Variants in AFG1L observed in about 807,000 individuals in gnomAD.
AFG1L encodes AFG1-like ATPase.
A neutral mutation model predicts 62.2 loss-of-function variants in AFG1L; 53 were observed. That is an observed-to-expected ratio of 0.85 (90% CI 0.68 to 1.07). The LOEUF is 1.07. AFG1L is among the 50% of genes least tolerant of loss of function. AFG1L has a pLI of 0.00. For synonymous variants in AFG1L, 228 were observed against 210.3 expected (o/e 1.08, Z -0.73); for missense variants, 555 against 590.5 (o/e 0.94, Z 0.62).
At chr6:108,339,533 C>G (rs1270045083) in intron 2 of AFG1L, among the ~76,000 whole-genome samples, 1 of 148,908 alleles carries the variant, frequency 6.7e-6, no homozygotes, top group Non-Finnish European at 1.5e-5. Context: ...GATCTCTGCT[C>G]ACTGCAACCT....
chr6:108,348,987 G>T (rs1778974183), intron 3 of AFG1L, among the ~76,000 whole-genome samples: 1 of 152,126 alleles, frequency 6.6e-6, no homozygotes, highest in Non-Finnish European at 1.5e-5. Context: ...TTGAAGGGAA[G>T]CATATTACAA....
chr6:108,466,152 C>G (rs1772656859), intron 8 of AFG1L, among the ~76,000 whole-genome samples: 1 of 152,094 alleles, frequency 6.6e-6, no homozygotes, highest in South Asian at 2.1e-4. Flanking sequence ...ATGGAAAATG[C>G]CAAGTATTGG....
At chr6:108,383,923 A>C (rs906322294) in intron 6 of AFG1L, among the ~76,000 whole-genome samples, 7 of 152,334 alleles carry the variant, frequency 4.6e-5, no homozygotes, top group African/African-American at 1.7e-4. Context: ...GACAGGGAAT[A>C]TAAATGGGTT....
chr6:108,325,136 G>C (rs1406033956), intron 2 of AFG1L, among the ~76,000 whole-genome samples: 1 of 152,166 alleles, frequency 6.6e-6, no homozygotes, highest in African/African-American at 2.4e-5. Flanking sequence ...AGCAGGCACT[G>C]GTTTCTGTCT....
chr6:108,466,778 A>AT (rs1554200902), intron 8 of AFG1L, among the ~76,000 whole-genome samples: 4 of 148,022 alleles, frequency 2.7e-5, no homozygotes, highest in Non-Finnish European at 4.5e-5. Context: ...TATTTTAAAA[A>AT]ATATATATAT....
At chr6:108,354,606 A>G (rs367687128) in intron 3 of AFG1L, among the ~76,000 whole-genome samples, 15 of 151,706 alleles carry the variant, frequency 9.9e-5, no homozygotes, top group African/African-American at 3.4e-4. Context: ...CGTCTGGCCT[A>G]TATACTATGT....
intron 10 of AFG1L, among the ~76,000 whole-genome samples, chr6:108,502,479 A>G (rs1337753711): frequency 2.0e-5 from 3 of 152,114 alleles, no homozygotes; most frequent in Admixed American, 6.6e-5. Flanking sequence ...TGCTGAGATT[A>G]CAGGCATGAG....
At chr6:108,463,841 A>G (rs1239895143) in intron 8 of AFG1L, among the ~76,000 whole-genome samples, 1 of 152,224 alleles carries the variant, frequency 6.6e-6, no homozygotes, top group Non-Finnish European at 1.5e-5. Flanking sequence ...TTGAAATGCA[A>G]CCAAGTCTGT....
At position 108,523,787 on chromosome 6, in the gene AFG1L, A is replaced by C. The variant is rs1463090747; in HGVS notation, c.*1362A>C. On this transcript the variant is annotated 3_prime_UTR_variant, in exon 13 of 13. Transcript: ENST00000368977. ...ATTAAGGCAAGCAGGTAGATGGATG[A>C]GTACCCAAGCCGAGAGAAGAGTTTA... 6.6e-6 allele frequency: 1 copy of C among 152,168 alleles called. No homozygotes were observed. Among genetic ancestry groups the C allele is most frequent in the Non-Finnish European group, 1.5e-5 (1 of 68,040 alleles). The allele number at this position is 152,168 out of a possible 1,614,324, so 9.4% of individuals were successfully genotyped here. A position where few individuals can be genotyped will look rare whatever the true frequency, so the allele number is the denominator to read the frequency against.
intron 7 of AFG1L, among the ~76,000 whole-genome samples, chr6:108,442,328 C>A (rs1478251153): frequency 6.6e-6 from 1 of 151,992 alleles, no homozygotes; most frequent in Non-Finnish European, 1.5e-5. Flanking sequence ...TCATATATCT[C>A]TTTTCTTCTC....
chr6:108,395,403 CTTTTTTTTT>C (rs71551344), intron 6 of AFG1L, among the ~76,000 whole-genome samples: 1 of 122,940 alleles, frequency 8.1e-6, no homozygotes, highest in African/African-American at 3.1e-5. Context: ...CTTTTCTTTT[CTTTTTTTTT>C]TTTTTTTTGA....
chr6:108,414,735 A>G (rs1480358929), intron 7 of AFG1L, among the ~76,000 whole-genome samples: 3 of 152,216 alleles, frequency 2.0e-5, no homozygotes, highest in Admixed American at 6.5e-5. Context: ...TTCTTGCTAA[A>G]AACTCTCAAT....
chr6:108,348,172 G>A (rs771760010), intron 3 of AFG1L, among the ~76,000 whole-genome samples: 3 of 152,024 alleles, frequency 2.0e-5, no homozygotes, highest in Non-Finnish European at 2.9e-5. Context: ...TCCGCCTCCC[G>A]GGTTCACGCC....
intron 6 of AFG1L, among the ~76,000 whole-genome samples, chr6:108,382,988 CATCACTTTGGAAGGCCAGGTGGGTGG>C (rs1780613635): frequency 6.6e-6 from 1 of 152,194 alleles, no homozygotes; most frequent in Admixed American, 6.5e-5. Flanking sequence ...CTTATAATCC[CATCACTTTGGAAGGCCAGGTGGGTGG>C]ATCACTTGAG....
At chr6:108,416,309 C>T (rs1276514563) in intron 7 of AFG1L, among the ~76,000 whole-genome samples, 3 of 152,186 alleles carry the variant, frequency 2.0e-5, no homozygotes, top group African/African-American at 7.2e-5. Context: ...AATAGGAATG[C>T]TTTTACACTG....
chr6:108,380,918 T>A (rs1403656305), intron 6 of AFG1L, among the ~76,000 whole-genome samples: 3 of 152,204 alleles, frequency 2.0e-5, no homozygotes, highest in Non-Finnish European at 4.4e-5. Context: ...CTGGATGCTA[T>A]CATGGGGGCT....
intron 2 of AFG1L, among the ~76,000 whole-genome samples, chr6:108,344,209 T>C (rs1778783315): frequency 6.6e-6 from 1 of 152,056 alleles, no homozygotes; most frequent in African/African-American, 2.4e-5. Flanking sequence ...GCCTCCTGGT[T>C]CAAGGTGATT....
At chr6:108,503,938 G>A (rs1774298467) in intron 10 of AFG1L, among the ~76,000 whole-genome samples, 1 of 152,308 alleles carries the variant, frequency 6.6e-6, no homozygotes. Context: ...ACCTCTGCTG[G>A]TTTCCGATTT....
intron 2 of AFG1L, among the ~76,000 whole-genome samples, chr6:108,333,060 A>G (rs1416373058): frequency 3.3e-5 from 5 of 152,252 alleles, no homozygotes; most frequent in Non-Finnish European, 5.9e-5. Flanking sequence ...AAAAGGTACC[A>G]TAGAAAAAGT....
Sources: allele counts gnomAD v4.1 joint callset (sites outside exome capture counted in the v4.1 genomes callset), GRCh38; gene constraint gnomAD v4.1.1; transcripts MANE v1.5; gene names NCBI Gene and HGNC (gene_info 2026-07-23, HGNC 2026-07-21).